P2RX1: variants seen among roughly 807,000 people sequenced by gnomAD.
The protein encoded by P2RX1 is purinergic receptor P2X 1, also known as P2X purinoceptor 1.
Under a neutral mutation model 50.3 loss-of-function variants are expected in P2RX1, and 42 were observed. That is an observed-to-expected ratio of 0.83 (90% confidence interval 0.65 to 1.08). P2RX1 has a LOEUF of 1.08. P2RX1 is among the 50% of genes least tolerant of loss of function. P2RX1 has a pLI of 0.00. For missense variants in P2RX1, 449 were observed against 529.0 expected (o/e 0.85, Z 1.48); for synonymous variants, 199 against 202.6 (o/e 0.98, Z 0.15).
rs540006968 is a variant in P2RX1, at chr17:3,898,901, T to C, written c.966+33A>G. On this transcript the variant is annotated intron_variant, in intron 9 of 11. Coordinates refer to ENST00000225538, the MANE Select transcript of P2RX1 (RefSeq NM_002558.4). ...TACTCACAGGAGCTGAGAATGTGTC[T>C]CAGCTGCCACCACCCTCACACTGGA... 140 of 1,548,344 alleles carry C rather than the reference T, an allele frequency of 9.0e-5. 3 individuals carry two copies. In the South Asian group the frequency reaches 1.4e-3, roughly 16 times the overall value.
intron 1 of P2RX1, among the ~76,000 whole-genome samples, chr17:3,911,882 T>C (rs2056371600): frequency 6.6e-6 from 1 of 152,146 alleles, no homozygotes; most frequent in Non-Finnish European, 1.5e-5. Flanking sequence ...ATCAGGGCAT[T>C]CCGTTTCCTT....
At chr17:3,915,705 G>A (rs1342668288) in intron 1 of P2RX1, 1 of 472,324 alleles carries the variant, frequency 2.1e-6, no homozygotes, top group Non-Finnish European at 4.2e-6. Context: ...GACGGGTGTG[G>A]GGTATGGCCT....
At chr17:3,899,437 G>A (rs1222125025) in intron 8 of P2RX1, among the ~76,000 whole-genome samples, 197 bp downstream of exon 8, 1 of 151,136 alleles carries the variant, frequency 6.6e-6, no homozygotes, top group Non-Finnish European at 1.5e-5. Flanking sequence ...AGGGGTCTGA[G>A]ACCCAGGGAC....
At chr17:3,904,158 C>T (rs1334627655) in intron 4 of P2RX1, 134 bp from the exon 5 acceptor site, 12 of 1,007,978 alleles carry the variant, frequency 1.2e-5, no homozygotes, top group South Asian at 5.3e-5. Context: ...GGGTCCCGGA[C>T]GGGCAGGCCA....
intron 1 of P2RX1, among the ~76,000 whole-genome samples, chr17:3,911,135 C>T (rs35154409): frequency 0.16 from 23,735 of 150,580 alleles, 2,295 homozygotes; most frequent in East Asian, 0.29. Flanking sequence ...TACAGGCACG[C>T]GCCACCACAC....
intron 1 of P2RX1, among the ~76,000 whole-genome samples, chr17:3,909,915 C>T (rs752003765): frequency 2.0e-5 from 3 of 151,852 alleles, no homozygotes; most frequent in Non-Finnish European, 4.4e-5. Flanking sequence ...CTAAGTCAAA[C>T]CACGCTAAGT....
rs1053020730 is a variant in P2RX1, at chr17:3,898,612, G to A, written c.967-63C>T. On this transcript the variant is annotated intron_variant, in intron 9 of 11. Coordinates refer to ENST00000225538, the MANE Select transcript of P2RX1 (RefSeq NM_002558.4). ...GGAAGGGGCCCAGCTGGAAAAGGCC[G>A]GACCTGGGACAAGGGGACTTCCCCA... The A allele has an allele frequency of 3.8e-5, 50 of 1,303,280 alleles. No homozygotes were observed. In the East Asian group the frequency reaches 7.6e-4, roughly 20 times the overall value. 80.7% of individuals were successfully genotyped at this position (1,303,280 alleles called of 1,614,324 possible). A position where few individuals can be genotyped will look rare whatever the true frequency, so the allele number is the denominator to read the frequency against.
At position 3,916,300 on chromosome 17, in the gene P2RX1, C is replaced by A; in HGVS notation, c.-75G>T. ...TCAGGGTGAGCCGGGTGCCACCACC[C>A]ACGTCGATGGTAGAGCTTCTGGGGG... On this transcript the variant is annotated 5_prime_UTR_variant, in exon 1 of 12. Coordinates refer to ENST00000225538, the MANE Select transcript of P2RX1 (RefSeq NM_002558.4). 1 of 1,528,838 alleles carries A rather than the reference C, an allele frequency of 6.5e-7. No homozygotes were observed. Among genetic ancestry groups the A allele is most frequent in the Non-Finnish European group, 8.9e-7 (1 of 1,118,622 alleles). 94.7% of individuals were successfully genotyped at this position (1,528,838 alleles called of 1,614,324 possible). A position where few individuals can be genotyped will look rare whatever the true frequency, so the allele number is the denominator to read the frequency against.
chr17:3,903,488 G>T lies in P2RX1; in HGVS notation c.605+63C>A, dbSNP rs768172584. On this transcript the variant is annotated intron_variant, in intron 6 of 11. Coordinates refer to ENST00000225538, the MANE Select transcript of P2RX1 (RefSeq NM_002558.4). The surrounding 1 kb of genome is among the most constrained non-coding windows in gnomAD (Gnocchi z 4.6). ...GCAGGAATGGAGGGAGACAGAGACA[G>T]CTGAGAGCTGCCGGAGCGGCCCCGG... is the stretch of plus-strand genomic sequence containing the variant. 8.8e-6 allele frequency: 14 copies of T among 1,593,328 alleles called. No individual in the cohort carries two copies. Among genetic ancestry groups the T allele is most frequent in the Non-Finnish European group, 1.2e-5 (14 of 1,162,380 alleles).
intron 1 of P2RX1, among the ~76,000 whole-genome samples, chr17:3,905,888 A>C (rs1326590642): frequency 6.6e-6 from 1 of 151,230 alleles, no homozygotes. Flanking sequence ...GAAACTGCTA[A>C]TTCAAATACT....
Position 3,903,530 on chromosome 17 carries a change from C to T in P2RX1, c.605+21G>A. 4 of 1,613,176 alleles carry T rather than the reference C, an allele frequency of 2.5e-6. No individual in the cohort carries two copies. The highest frequency in any genetic ancestry group is 3.4e-6 in the Non-Finnish European group (4 of 1,179,242). On this transcript the variant is annotated intron_variant, in intron 6 of 11. Coordinates refer to ENST00000225538, the MANE Select transcript of P2RX1 (RefSeq NM_002558.4). This position sits in a 1 kb window ranked among gnomAD's most constrained non-coding sequence, Gnocchi z 4.6. The stretch of plus-strand genomic sequence containing the variant: ...CGGCCCCGGCCAGCTGCCTGCATTT[C>T]TGCCCGAATTTCCCACGCACCTGTT...
chr17:3,914,943 T>G lies in P2RX1; in HGVS notation c.137+1146A>C, dbSNP rs1027270452. 1.2e-4 allele frequency among the ~76,000 whole-genome samples: 18 copies of G among 152,148 alleles called. No individual in the cohort carries two copies. The highest frequency in any genetic ancestry group is 4.1e-4 in the African/African-American group (17 of 41,426). ...TGGCCGGCTCTGAGGTTCTGGGGACTGGTGGGACAGAAGGAGGGCTCTTTT... is the reference window on the plus strand; with the variant it reads ...TGGCCGGCTCTGAGGTTCTGGGGACGGGTGGGACAGAAGGAGGGCTCTTTT... On this transcript the variant is annotated intron_variant, in intron 1 of 11. Coordinates refer to ENST00000225538, the MANE Select transcript of P2RX1 (RefSeq NM_002558.4). The surrounding 1 kb of genome is among the most constrained non-coding windows in gnomAD (Gnocchi z 4.1).
Position 3,899,633 on chromosome 17 carries a change from C to G in P2RX1, c.875+1G>C. The G allele has an allele frequency of 1.2e-6, 2 of 1,613,078 alleles. No individual in the cohort carries two copies. The highest frequency in any genetic ancestry group is 1.7e-6 in the Non-Finnish European group (2 of 1,179,382). The stretch of plus-strand genomic sequence containing the variant: ...TGTGCTGCTGGGGGCCTGGCAGACA[C>G]CTGAAGTTGAAGCCTGGGGAGAGAT... On this transcript the variant is annotated splice_donor_variant, in intron 8 of 11. Coordinates refer to ENST00000225538, the MANE Select transcript of P2RX1 (RefSeq NM_002558.4). LOFTEE classifies it high-confidence loss of function.
Position 3,905,089 on chromosome 17 carries a change from T to C in P2RX1, c.285+131A>G. 3 of 1,330,250 alleles carry C rather than the reference T, an allele frequency of 2.3e-6. No homozygotes were observed. In the South Asian group the frequency reaches 3.7e-5, roughly 17 times the overall value. 82.4% of individuals were successfully genotyped at this position (1,330,250 alleles called of 1,614,324 possible). On this transcript the variant is annotated intron_variant, in intron 2 of 11. Transcript: ENST00000225538. ...ACATGGGGTGATATCACCAGGCTGCTTCTGCCCGGCATTCACAGAGGTCCA... is the reference window on the plus strand; with the variant it reads ...ACATGGGGTGATATCACCAGGCTGCCTCTGCCCGGCATTCACAGAGGTCCA...
Position 3,902,925 on chromosome 17 carries a change from GT to G in P2RX1, c.747+276del, listed in dbSNP as rs555049705. ...CACCTGACCAAGCTGCTTTTATCTA[GT>G]TTTTTTTTTTTTTTAAAGCAGGGCA... On this transcript the variant is annotated intron_variant, in intron 7 of 11. Coordinates refer to ENST00000225538, the MANE Select transcript of P2RX1 (RefSeq NM_002558.4). Among the ~76,000 whole-genome samples, 519 of 142,810 alleles carry G rather than the reference GT, an allele frequency of 3.6e-3. 1 individual carries two copies. Among genetic ancestry groups the G allele is most frequent in the Middle Eastern group, 7.2e-3 (2 of 276 alleles). 93.7% of individuals were successfully genotyped at this position (142,810 alleles called of 152,430 possible).
intron 1 of P2RX1, among the ~76,000 whole-genome samples, chr17:3,913,411 G>A (rs1313052478): frequency 6.6e-6 from 1 of 152,198 alleles, no homozygotes; most frequent in East Asian, 1.9e-4. Context: ...ACAGGCATGA[G>A]CCACTGTGCC....
rs369416815 is a variant in P2RX1 at position 3,904,067 on chromosome 17, G to A, written c.428-43C>T. 22 of 1,509,902 alleles carry A rather than the reference G, an allele frequency of 1.5e-5. No individual in the cohort carries two copies. The African/African-American group carries it at 2.1e-4, about 14-fold the overall frequency. The allele number at this position is 1,509,902 out of a possible 1,614,324, so 93.5% of individuals were successfully genotyped here. On this transcript the variant is annotated intron_variant, in intron 4 of 11. Transcript: ENST00000225538. ...CCCCTGGGTGCCTGCACTAAACAGA[G>A]GAGGCCGCCCCAGACCCCTTCTCCA...
intron 7 of P2RX1, among the ~76,000 whole-genome samples, chr17:3,901,854 C>T (rs1434595960): frequency 6.6e-6 from 1 of 152,144 alleles, no homozygotes; most frequent in Non-Finnish European, 1.5e-5. Context: ...CCACGCACAC[C>T]GCGTCAACTC....
In P2RX1 at chr17:3,913,132, C is replaced by CTTT. The variant is rs555976939; in HGVS notation, c.137+2954_137+2956dup. 1.0e-3 allele frequency among the ~76,000 whole-genome samples: 137 copies of CTTT among 134,986 alleles called. 2 individuals carry two copies. The highest frequency in any genetic ancestry group is 9.1e-3 in the South Asian group (38 of 4,192). 88.6% of individuals were successfully genotyped at this position (134,986 alleles called of 152,430 possible). ...CGGGGAGAGCTCTAACTGAGACCAT[C>CTTT]TTTTTTTTTTTTTTTTTGAGATGGA... On this transcript the variant is annotated intron_variant, in intron 1 of 11. Transcript: ENST00000225538.
Sources: allele counts gnomAD v4.1 joint callset (sites outside exome capture counted in the v4.1 genomes callset), GRCh38; gene constraint gnomAD v4.1.1; non-coding constraint Gnocchi (gnomAD v3.1); transcripts MANE v1.5; gene names NCBI Gene and HGNC (gene_info 2026-07-23, HGNC 2026-07-21).